Variants in TMEM132D observed in about 807,000 individuals in gnomAD.
TMEM132D encodes transmembrane protein 132D.
TMEM132D carries 21 observed loss-of-function variants against 62.3 expected under a neutral mutation model. That is an observed-to-expected ratio of 0.34 (90% CI 0.24 to 0.49). The LOEUF is 0.49. Ranked by LOEUF, TMEM132D falls within the 20% of genes least tolerant of loss-of-function variation. The pLI, the probability that TMEM132D is intolerant of heterozygous loss-of-function variation, is 0.99. For missense variants in TMEM132D, 1,346 were observed against 1,402.8 expected, an observed-to-expected ratio of 0.96 and a Z score of 0.65; for synonymous variants, 621 against 575.6, an observed-to-expected ratio of 1.08 and a Z score of -1.13.
intron 4 of TMEM132D, among the ~76,000 whole-genome samples, chr12:129,320,209 C>A (rs1037916467): frequency 2.0e-5 from 3 of 152,160 alleles, no homozygotes; most frequent in Non-Finnish European, 2.9e-5. Flanking sequence ...ACCTGGAACA[C>A]CATTTTCAGT....
At chr12:129,535,314 C>T (rs1876350515) in intron 2 of TMEM132D, among the ~76,000 whole-genome samples, 1 of 152,214 alleles carries the variant, frequency 6.6e-6, no homozygotes, top group Non-Finnish European at 1.5e-5. Flanking sequence ...CACCTGACTG[C>T]AAGAGCAGCG....
rs192100384 is a variant in TMEM132D at position 129,635,950 on chromosome 12, T to C, written c.968+63860A>G. On this transcript the variant is annotated intron_variant, in intron 2 of 8. Transcript: ENST00000422113. ...AGGACAACTGTCCTGATGCAGGGGC[T>C]GAGGACAATTACAGGGCATAAGTGG... Among the ~76,000 whole-genome samples, 11 of 152,350 alleles carry C rather than the reference T, an allele frequency of 7.2e-5. No homozygotes were observed. The East Asian group carries it at 2.1e-3, about 29-fold the overall frequency.
chr12:129,313,141 G>C (rs1566030073), intron 4 of TMEM132D, among the ~76,000 whole-genome samples: 1 of 151,568 alleles, frequency 6.6e-6, no homozygotes, highest in Non-Finnish European at 1.5e-5. Flanking sequence ...TCAAGGAAGA[G>C]TTTCAGACAA....
At position 129,779,780 on chromosome 12, in the gene TMEM132D, AC is replaced by A. The variant is rs1297503547; in HGVS notation, c.80-79083del. Among the ~76,000 whole-genome samples the A allele has an allele frequency of 6.6e-6, 1 of 151,956 alleles. No homozygotes were observed. Among genetic ancestry groups the A allele is most frequent in the African/African-American group, 2.4e-5 (1 of 41,352 alleles). The stretch of plus-strand genomic sequence containing the variant: ...ACAGGATTTAAGGGGTCGCCTCCCC[AC>A]TCAAACTCATGACGGCCTTAAGGTC... On this transcript the variant is annotated intron_variant, in intron 1 of 8. Transcript: ENST00000422113. The surrounding 1 kb of genome is among the most constrained non-coding windows in gnomAD (Gnocchi z 4.1).
chr12:129,903,542 T>TGCTCTCCGGAGTC lies in TMEM132D; in HGVS notation c.-216_-204dup, dbSNP rs553637134. ...GCGACGACCGCGCGGGCTCCTGAGTTGCTCTCCGGAGTCCAACACGCGCGC... is the reference window on the plus strand; with the variant it reads ...GCGACGACCGCGCGGGCTCCTGAGTTGCTCTCCGGAGTCGCTCTCCGGAGTCCAACACGCGCGC... On this transcript the variant is annotated 5_prime_UTR_variant, in exon 1 of 9. Coordinates refer to ENST00000422113, the MANE Select transcript of TMEM132D (RefSeq NM_133448.3). This position sits in a 1 kb window ranked among gnomAD's most constrained non-coding sequence, Gnocchi z 6.2. The TGCTCTCCGGAGTC allele has an allele frequency of 4.2e-4, 243 of 583,838 alleles. 3 individuals carry two copies. The highest frequency in any genetic ancestry group is 4.2e-3 in the African/African-American group (218 of 52,418). 36.2% of individuals were successfully genotyped at this position (583,838 alleles called of 1,614,324 possible). A position where few individuals can be genotyped will look rare whatever the true frequency, so the allele number is the denominator to read the frequency against.
chr12:129,686,465 T>C (rs1163747491), intron 2 of TMEM132D, among the ~76,000 whole-genome samples: 1 of 152,182 alleles, frequency 6.6e-6, no homozygotes. Context: ...GATTGTAGGT[T>C]TCCTGAGGCC....
chr12:129,652,394 G>A (rs964778407), intron 2 of TMEM132D, among the ~76,000 whole-genome samples: 3 of 152,206 alleles, frequency 2.0e-5, no homozygotes, highest in South Asian at 2.1e-4. Context: ...TGGAACCTGC[G>A]AATGTATTAT....
chr12:129,718,052 T>C (rs1868657233), intron 1 of TMEM132D, among the ~76,000 whole-genome samples: 1 of 152,200 alleles, frequency 6.6e-6, no homozygotes, highest in Admixed American at 6.5e-5. Flanking sequence ...CTTATGAGGG[T>C]AGCTCACTCC....
chr12:129,298,532 A>C (rs1881630950), intron 4 of TMEM132D, among the ~76,000 whole-genome samples: 1 of 152,062 alleles, frequency 6.6e-6, no homozygotes, highest in African/African-American at 2.4e-5. Context: ...TCATCACCCC[A>C]CCATGCAGTA....
chr12:129,308,879 A>G (rs1277319562), intron 4 of TMEM132D, among the ~76,000 whole-genome samples: 2 of 152,186 alleles, frequency 1.3e-5, no homozygotes, highest in African/African-American at 4.8e-5. Flanking sequence ...CTGCAGATGG[A>G]TATTGATCAA....
rs146118847 is a variant in TMEM132D at position 129,565,183 on chromosome 12, A to G, written c.969-33978T>C. Reference sequence around the variant, plus strand: ...GCAACACTGCCATCAGATGAGATTCATATTGATCACCAGCCCCACACAGGT... The same window carrying G: ...GCAACACTGCCATCAGATGAGATTCGTATTGATCACCAGCCCCACACAGGT... On this transcript the variant is annotated intron_variant, in intron 2 of 8. Transcript: ENST00000422113. 9.4e-4 allele frequency among the ~76,000 whole-genome samples: 143 copies of G among 152,316 alleles called. 1 individual carries two copies. Among genetic ancestry groups the G allele is most frequent in the African/African-American group, 3.1e-3 (128 of 41,572 alleles).
intron 1 of TMEM132D, among the ~76,000 whole-genome samples, chr12:129,839,107 C>T (rs1029542029): frequency 2.5e-4 from 16 of 63,398 alleles, no homozygotes; most frequent in Middle Eastern, 0.01. Flanking sequence ...TCCACCACCA[C>T]GCCTGGCTAA....
chr12:129,608,944 CTT>C (rs111562077), intron 2 of TMEM132D, among the ~76,000 whole-genome samples: 8 of 141,706 alleles, frequency 5.6e-5, no homozygotes, highest in African/African-American at 7.9e-5. Flanking sequence ...TCAAATTGTT[CTT>C]TTTTTTTTTT....
chr12:129,568,828 C>A (rs1877436469), intron 2 of TMEM132D, among the ~76,000 whole-genome samples: 1 of 152,180 alleles, frequency 6.6e-6, no homozygotes, highest in Admixed American at 6.5e-5. Context: ...CCATAGATTT[C>A]TACAGTAACT....
chr12:129,733,779 C>A (rs1205044024), intron 1 of TMEM132D, among the ~76,000 whole-genome samples: 1 of 152,086 alleles, frequency 6.6e-6, no homozygotes, highest in Non-Finnish European at 1.5e-5. Flanking sequence ...CCTGGACCGG[C>A]ACAGTCGCTG....
chr12:129,430,246 C>T (rs1168842418), intron 3 of TMEM132D, among the ~76,000 whole-genome samples: 9 of 152,202 alleles, frequency 5.9e-5, no homozygotes, highest in Admixed American at 2.6e-4. Flanking sequence ...CAGCACCTGT[C>T]GTTTCCTGAC....
In TMEM132D at chr12:129,467,318, A is replaced by G. The variant is rs573889477; in HGVS notation, c.1115+63741T>C. On this transcript the variant is annotated intron_variant, in intron 3 of 8. Transcript: ENST00000422113. ...CTTGGCTCTGCTTTTCTCTATCTCA[A>G]TTTCCAAGCAGACTCTCAAAGATGG... 2.6e-5 allele frequency among the ~76,000 whole-genome samples: 4 copies of G among 152,166 alleles called. No homozygotes were observed. The South Asian group carries it at 6.2e-4, about 24-fold the overall frequency.
intron 1 of TMEM132D, among the ~76,000 whole-genome samples, chr12:129,793,347 G>A (rs1330797299): frequency 6.6e-6 from 1 of 152,002 alleles, no homozygotes; most frequent in East Asian, 1.9e-4. Flanking sequence ...TCTCCAGCTG[G>A]AGTTGGGAAA....
rs1466983965 is a variant in TMEM132D, at chr12:129,157,261, A to G, written c.1443+52259T>C. Among the ~76,000 whole-genome samples, 3 of 152,368 alleles carry G rather than the reference A, an allele frequency of 2.0e-5. No homozygotes were observed. The East Asian group carries it at 5.8e-4, about 29-fold the overall frequency. On this transcript the variant is annotated intron_variant, in intron 5 of 8. Transcript: ENST00000422113. Reference sequence around the variant, plus strand: ...GTCCACTTGTGAGGGCAGGGCCCTCATGACCTAATCACCTCTTAAAGGTCC... The same window carrying G: ...GTCCACTTGTGAGGGCAGGGCCCTCGTGACCTAATCACCTCTTAAAGGTCC...
Sources: allele counts gnomAD v4.1 joint callset (sites outside exome capture counted in the v4.1 genomes callset), GRCh38; gene constraint gnomAD v4.1.1; non-coding constraint Gnocchi (gnomAD v3.1); transcripts MANE v1.5; gene names NCBI Gene and HGNC (gene_info 2026-07-23, HGNC 2026-07-21).